Variants in CCDC178 observed in about 807,000 individuals in gnomAD.
CCDC178 encodes coiled-coil domain containing 178, also known as coiled-coil domain-containing protein 178.
A neutral mutation model predicts 117.4 loss-of-function variants in CCDC178; 126 were observed. The observed-to-expected ratio is 1.07, with a 90% CI of 0.93 to 1.24. CCDC178 has a LOEUF of 1.24. CCDC178 is among the 50% of genes most tolerant of loss of function. The pLI, the probability that CCDC178 is intolerant of heterozygous loss-of-function variation, is 0.00. For synonymous variants in CCDC178, 283 were observed against 313.4 expected (o/e 0.90, Z 1.02); for missense variants, 1,030 against 986.9 (o/e 1.04, Z -0.59).
chr18:33,179,679 C>T (rs2058712553), intron 20 of CCDC178, among the ~76,000 whole-genome samples: 1 of 151,988 alleles, frequency 6.6e-6, no homozygotes, highest in Non-Finnish European at 1.5e-5. Flanking sequence ...GTTTACCAAT[C>T]AAATTGTTTA....
chr18:33,431,908 A>G (rs2064224414), intron 2 of CCDC178, among the ~76,000 whole-genome samples: 1 of 152,194 alleles, frequency 6.6e-6, no homozygotes, highest in Admixed American at 6.5e-5. Context: ...AATTCATGGG[A>G]TATCCTGGAG....
intron 21 of CCDC178, among the ~76,000 whole-genome samples, chr18:33,049,481 A>C (rs369549118): frequency 2.6e-5 from 4 of 152,234 alleles, no homozygotes; most frequent in African/African-American, 9.6e-5. Flanking sequence ...TTTTGTTTAA[A>C]TTTTTATCAC....
chr18:32,958,503 T>A (rs1456418495), intron 22 of CCDC178, among the ~76,000 whole-genome samples: 1 of 152,182 alleles, frequency 6.6e-6, no homozygotes, highest in Non-Finnish European at 1.5e-5. Context: ...TGTGTTGAAA[T>A]ACCATAATTA....
intron 3 of CCDC178, among the ~76,000 whole-genome samples, chr18:33,407,965 G>A (rs1053396201): frequency 1.3e-5 from 2 of 151,546 alleles, no homozygotes; most frequent in African/African-American, 4.8e-5. Context: ...GAAAACCTAG[G>A]GGCCAATGTT....
chr18:33,054,487 A>G (rs1002003796), intron 21 of CCDC178, among the ~76,000 whole-genome samples: 2 of 152,108 alleles, frequency 1.3e-5, no homozygotes, highest in African/African-American at 4.8e-5. Context: ...TATTCTCATC[A>G]TTCAGCTCCC....
At chr18:33,244,636 G>C (rs1378063412) in intron 15 of CCDC178, among the ~76,000 whole-genome samples, 1 of 151,900 alleles carries the variant, frequency 6.6e-6, no homozygotes, top group Non-Finnish European at 1.5e-5. Flanking sequence ...GCAGAACTGA[G>C]TCAATTAAAC....
rs1347885997 is a variant in CCDC178 at position 33,328,082 on chromosome 18, GATTTTT to G, written c.880-4455_880-4450del. 1.0e-3 allele frequency: 249 copies of G among 249,104 alleles called. 19 individuals carry two copies. Among genetic ancestry groups the G allele is most frequent in the African/African-American group, 5.6e-3 (172 of 30,450 alleles). The allele number at this position is 249,104 out of a possible 1,614,324, so 15.4% of individuals were successfully genotyped here. A position where few individuals can be genotyped will look rare whatever the true frequency, so the allele number is the denominator to read the frequency against. On this transcript the variant is annotated intron_variant, in intron 10 of 22. Coordinates refer to ENST00000383096, the MANE Select transcript of CCDC178 (RefSeq NM_001105528.4). ...CCAAGGTCATAAAGATTTATCCCTA[GATTTTT>G]TTTTTTTTTTTTTTTTTTTTTTTTT...
At chr18:33,199,931 C>T (rs1016960702) in intron 20 of CCDC178, among the ~76,000 whole-genome samples, 3 of 151,984 alleles carry the variant, frequency 2.0e-5, no homozygotes, top group East Asian at 1.9e-4. Flanking sequence ...TTTTGGATAC[C>T]GACACCACAA....
intron 14 of CCDC178, among the ~76,000 whole-genome samples, chr18:33,247,839 T>C (rs1406184735): frequency 6.6e-6 from 1 of 151,834 alleles, no homozygotes; most frequent in Non-Finnish European, 1.5e-5. Flanking sequence ...GATGAATGTG[T>C]GGTGTGTGTT....
intron 20 of CCDC178, among the ~76,000 whole-genome samples, chr18:33,124,385 A>G (rs1310744375): frequency 1.3e-5 from 2 of 152,160 alleles, no homozygotes; most frequent in African/African-American, 4.8e-5. Context: ...GGCCATGGGA[A>G]TCTTTCCACA....
At chr18:33,150,517 A>G (rs540992736) in intron 20 of CCDC178, among the ~76,000 whole-genome samples, 1 of 152,304 alleles carries the variant, frequency 6.6e-6, no homozygotes, top group Non-Finnish European at 1.5e-5. Flanking sequence ...ATCTACGAGG[A>G]ACACAAATCA....
At chr18:33,327,375 T>C (rs915102024) in intron 10 of CCDC178, among the ~76,000 whole-genome samples, 1 of 152,238 alleles carries the variant, frequency 6.6e-6, no homozygotes, top group African/African-American at 2.4e-5. Flanking sequence ...CTTTTGGTTA[T>C]TGTGAATAGT....
intron 21 of CCDC178, among the ~76,000 whole-genome samples, chr18:33,009,769 G>A (rs2055825126): frequency 6.6e-6 from 1 of 152,084 alleles, no homozygotes; most frequent in Non-Finnish European, 1.5e-5. Flanking sequence ...TGCTTTCCAT[G>A]AAGCAGATCT....
intron 16 of CCDC178, among the ~76,000 whole-genome samples, chr18:33,226,372 T>G (rs1456583866): frequency 6.6e-6 from 1 of 152,218 alleles, no homozygotes; most frequent in Admixed American, 6.5e-5. Flanking sequence ...CAAGTTGTTT[T>G]TGCCAGCTTA....
chr18:33,252,119 C>A (rs906082692), intron 14 of CCDC178, among the ~76,000 whole-genome samples: 1 of 151,458 alleles, frequency 6.6e-6, no homozygotes, highest in Non-Finnish European at 1.5e-5. Flanking sequence ...TATCTGAAAG[C>A]GGATAATTAA....
intron 20 of CCDC178, among the ~76,000 whole-genome samples, chr18:33,192,405 G>A (rs1459584685): frequency 2.6e-5 from 4 of 152,098 alleles, no homozygotes; most frequent in African/African-American, 4.8e-5. Context: ...ATACTAACAC[G>A]TTTACACTTA....
chr18:33,214,197 T>C (rs928593045), intron 19 of CCDC178, among the ~76,000 whole-genome samples: 2 of 152,000 alleles, frequency 1.3e-5, no homozygotes, highest in South Asian at 4.1e-4. Flanking sequence ...ATTTAACCAC[T>C]TGCTATAAGA....
chr18:33,239,972 A>G (rs2059467858), intron 15 of CCDC178, among the ~76,000 whole-genome samples: 1 of 151,828 alleles, frequency 6.6e-6, no homozygotes, highest in Admixed American at 6.6e-5. Context: ...TCCAGGATCA[A>G]TCATATGTTT....
At chr18:33,288,778 T>A (rs192834949) in intron 12 of CCDC178, among the ~76,000 whole-genome samples, 78 of 152,228 alleles carry the variant, frequency 5.1e-4, no homozygotes, top group African/African-American at 1.8e-3. Context: ...AGATTTCAGC[T>A]ACACAATGAT....
Sources: gnomAD v4.1 joint callset for allele counts (sites outside exome capture counted in the v4.1 genomes callset) on GRCh38, gnomAD v4.1.1 for gene constraint, MANE v1.5 for transcripts, NCBI Gene and HGNC (gene_info 2026-07-23, HGNC 2026-07-21) for gene names.